TBC1D4: variants seen among roughly 807,000 people sequenced by gnomAD.
TBC1D4 encodes TBC1 domain family member 4, also known as TBC (Tre-2, BUB2, CDC16) domain-containing protein.
A neutral mutation model predicts 142.5 loss-of-function variants in TBC1D4; 121 were observed. That is an observed-to-expected ratio of 0.85 (90% CI 0.73 to 0.99). The LOEUF is 0.99. Ranked by LOEUF, TBC1D4 falls within the 50% of genes least tolerant of loss-of-function variation. The pLI, the probability that TBC1D4 is intolerant of heterozygous loss-of-function variation, is 0.00. For synonymous variants in TBC1D4, 630 were observed against 628.2 expected, an observed-to-expected ratio of 1.00 and a Z score of -0.04; for missense variants, 1,475 against 1,606.6, an observed-to-expected ratio of 0.92 and a Z score of 1.40.
intron 8 of TBC1D4, among the ~76,000 whole-genome samples, chr13:75,330,789 A>T (rs944509043): frequency 6.6e-6 from 1 of 152,124 alleles, no homozygotes; most frequent in Non-Finnish European, 1.5e-5. Flanking sequence ...CTTCAGTTCT[A>T]TGTTATAATT....
intron 1 of TBC1D4, among the ~76,000 whole-genome samples, chr13:75,402,367 G>A (rs776208473): frequency 6.6e-6 from 1 of 152,046 alleles, no homozygotes; most frequent in Non-Finnish European, 1.5e-5. Context: ...CTTCTATGCC[G>A]CAACTTAAGC....
chr13:75,309,828 T>A (rs1877557438), intron 14 of TBC1D4, 114 bp downstream of exon 14: 1 of 977,948 alleles, frequency 1.0e-6, no homozygotes, highest in African/African-American at 1.6e-5. Flanking sequence ...CTTCTTAAAG[T>A]GTGCATACAG....
chr13:75,464,799 G>A (rs530580366), intron 1 of TBC1D4, among the ~76,000 whole-genome samples: 3 of 152,282 alleles, frequency 2.0e-5, no homozygotes, highest in African/African-American at 7.2e-5. Flanking sequence ...AATCTTTCCT[G>A]TAGCCTACTG....
chr13:75,470,617 G>A (rs547379816), intron 1 of TBC1D4, among the ~76,000 whole-genome samples: 2 of 152,208 alleles, frequency 1.3e-5, no homozygotes, highest in East Asian at 3.9e-4. Flanking sequence ...GAAGTTTAGG[G>A]TATAGCTCCT....
chr13:75,395,282 G>A (rs9600464), intron 1 of TBC1D4, among the ~76,000 whole-genome samples: 2,741 of 152,216 alleles, frequency 0.018, 91 homozygotes, highest in African/African-American at 0.06. Context: ...CACAGACGCC[G>A]TGCCTCTTTC....
chr13:75,474,063 T>G (rs1389830170), intron 1 of TBC1D4, among the ~76,000 whole-genome samples: 1 of 152,240 alleles, frequency 6.6e-6, no homozygotes, highest in African/African-American at 2.4e-5. Context: ...AAACAAACTT[T>G]TTTTATTTCC....
rs1886591426 is a variant in TBC1D4, at chr13:75,431,512, T to G, written c.498+49758A>C. On this transcript the variant is annotated intron_variant, in intron 1 of 20. Coordinates refer to ENST00000377636, the MANE Select transcript of TBC1D4 (RefSeq NM_014832.5). The stretch of plus-strand genomic sequence containing the variant: ...ATCTTCCTTGGATAAACAACTTAAT[T>G]TCTACTTGGTGCCTGGGAACTTCAG... Among the ~76,000 whole-genome samples, 3 of 152,126 alleles carry G rather than the reference T, an allele frequency of 2.0e-5. No individual in the cohort carries two copies. In the South Asian group the frequency reaches 6.2e-4, roughly 32 times the overall value.
At chr13:75,467,947 A>G (rs1888236533) in intron 1 of TBC1D4, among the ~76,000 whole-genome samples, 1 of 152,070 alleles carries the variant, frequency 6.6e-6, no homozygotes, top group African/African-American at 2.4e-5. Context: ...CACTGTGGAC[A>G]TTGGCCACAG....
intron 9 of TBC1D4, among the ~76,000 whole-genome samples, chr13:75,326,813 C>T (rs1879305376): frequency 6.6e-6 from 1 of 152,238 alleles, no homozygotes; most frequent in East Asian, 1.9e-4. Flanking sequence ...AAGATCATGA[C>T]CAAAAGAGGG....
intron 10 of TBC1D4, 142 bp downstream of exon 10, chr13:75,326,055 A>G (rs1879219543): frequency 1.1e-6 from 1 of 924,334 alleles, no homozygotes. Context: ...CTAGTAAATG[A>G]GGTAACTTAA....
chr13:75,324,255 T>A lies in TBC1D4; in HGVS notation c.2180A>T (p.Gln727Leu). The change falls in exon 11 of 21, where the codon CAG becomes CTG. Residue 727 changes from glutamine (Q) to leucine (L), a missense_variant. By Grantham distance (113) the Gln-to-Leu change is moderately radical. Transcript: ENST00000377636. ...ATCTCACCTGATTTCATTTTCATAC[T>A]GTGGGGACAGTCTACCTGAATTCTG... ...FYQNSGRLSP[Q>L]YENEIRQDTA... 6.2e-7 allele frequency: 1 copy of A among 1,613,908 alleles called. No homozygotes were observed. Among genetic ancestry groups the A allele is most frequent in the Non-Finnish European group, 8.5e-7 (1 of 1,179,788 alleles).
At position 75,432,939 on chromosome 13, in the gene TBC1D4, C is replaced by CA. The variant is rs34647915; in HGVS notation, c.498+48330dup. ...CCTGGGCGACAGACCGAGACTGACT[C>CA]AAAAAAAAAAAAAAAATCATGCCTG... is the stretch of plus-strand genomic sequence containing the variant. On this transcript the variant is annotated intron_variant, in intron 1 of 20. Transcript: ENST00000377636. Among the ~76,000 whole-genome samples, 697 of 99,590 alleles carry CA rather than the reference C, an allele frequency of 7.0e-3. 3 individuals are homozygous for CA. Among genetic ancestry groups the CA allele is most frequent in the African/African-American group, 0.017 (483 of 28,866 alleles). 65.3% of individuals were successfully genotyped at this position (99,590 alleles called of 152,430 possible).
intron 7 of TBC1D4, among the ~76,000 whole-genome samples, chr13:75,338,073 C>CT (rs1880373556): frequency 6.6e-6 from 1 of 151,900 alleles, no homozygotes; most frequent in Admixed American, 6.6e-5. Context: ...AGGGAAATCC[C>CT]TGTGAATGTA....
At chr13:75,364,319 C>T (rs1882770635) in intron 1 of TBC1D4, among the ~76,000 whole-genome samples, 1 of 152,136 alleles carries the variant, frequency 6.6e-6, no homozygotes, top group Non-Finnish European at 1.5e-5. Flanking sequence ...ATTTTCGGAC[C>T]ACAGATGACC....
intron 5 of TBC1D4, among the ~76,000 whole-genome samples, chr13:75,344,682 T>C (rs1043023654): frequency 6.6e-6 from 1 of 152,166 alleles, no homozygotes; most frequent in African/African-American, 2.4e-5. Flanking sequence ...CAGAGATGGC[T>C]GACTGTTCCT....
rs1481123884 is a variant in TBC1D4 at position 75,400,480 on chromosome 13, C to T, written c.499-37873G>A. ...TCATGCTTTTTTTTTTTTTTTGAGA[C>T]AGAGTCTCACTCTATTGCCCAGGCT... On this transcript the variant is annotated intron_variant, in intron 1 of 20. Coordinates refer to ENST00000377636, the MANE Select transcript of TBC1D4 (RefSeq NM_014832.5). 3.8e-4 allele frequency among the ~76,000 whole-genome samples: 52 copies of T among 135,772 alleles called. 3 individuals carry two copies. The highest frequency in any genetic ancestry group is 1.3e-3 in the African/African-American group (47 of 36,508). The allele number at this position is 135,772 out of a possible 152,430, so 89.1% of individuals were successfully genotyped here. A position where few individuals can be genotyped will look rare whatever the true frequency, so the allele number is the denominator to read the frequency against.
At chr13:75,294,551 T>C (rs925245446) in intron 18 of TBC1D4, among the ~76,000 whole-genome samples, 16 of 152,214 alleles carry the variant, frequency 1.1e-4, no homozygotes, top group African/African-American at 3.4e-4. Flanking sequence ...AGTCTGTCCC[T>C]AGTCCAGATT....
At position 75,320,901 on chromosome 13, in the gene TBC1D4, A is replaced by G. The variant is rs1381846272; in HGVS notation, c.2199-864T>C. On this transcript the variant is annotated intron_variant, in intron 11 of 20. Transcript: ENST00000377636. Reference sequence around the variant, plus strand: ...AAAAAAAAAAAAAAATTAGCCGGGCATGGTGGCGGGCGCCTGTAGTCCCAG... The same window carrying G: ...AAAAAAAAAAAAAAATTAGCCGGGCGTGGTGGCGGGCGCCTGTAGTCCCAG... 9.4e-5 allele frequency among the ~76,000 whole-genome samples: 14 copies of G among 148,858 alleles called. No homozygotes were observed. The East Asian group carries it at 9.8e-4, about 10-fold the overall frequency.
rs764808132 is a variant in TBC1D4, at chr13:75,362,651, A to T, written c.499-44T>A. The T allele has an allele frequency of 1.2e-6, 2 of 1,606,528 alleles. No individual in the cohort carries two copies. The highest frequency in any genetic ancestry group is 2.7e-5 in the African/African-American group (2 of 74,884). On this transcript the variant is annotated intron_variant, in intron 1 of 20. Transcript: ENST00000377636. This position sits in a 1 kb window ranked among gnomAD's most constrained non-coding sequence, Gnocchi z 4.2. Reference sequence around the variant, plus strand: ...ACCCTGATTCTAGTTGAAAGTTTTGAGACAATTTACATTTACCTAGCCCAA... The same window carrying T: ...ACCCTGATTCTAGTTGAAAGTTTTGTGACAATTTACATTTACCTAGCCCAA...
Sources: allele counts gnomAD v4.1 joint callset (sites outside exome capture counted in the v4.1 genomes callset), GRCh38; gene constraint gnomAD v4.1.1; non-coding constraint Gnocchi (gnomAD v3.1); transcripts MANE v1.5; gene names NCBI Gene and HGNC (gene_info 2026-07-23, HGNC 2026-07-21).